Variants in PCDHGB7 observed in about 807,000 individuals in gnomAD.
PCDHGB7 encodes the protein protocadherin gamma-B7.
In PCDHGB7, 37 loss-of-function variants were observed where a neutral mutation model predicts 61.4. That is an observed-to-expected ratio of 0.60 (90% CI 0.46 to 0.79). The LOEUF is 0.79. Ranked by LOEUF, PCDHGB7 falls within the 30% of genes least tolerant of loss-of-function variation. PCDHGB7 has a pLI of 0.00. For missense variants in PCDHGB7, 1,166 were observed against 1,202.5 expected (o/e 0.97, Z 0.45); for synonymous variants, 464 against 503.5 (o/e 0.92, Z 1.05).
At chr5:141,494,736 T>C in intron 1 of PCDHGB7, 71 bp from the exon 2 acceptor site, 1 of 1,611,858 alleles carries the variant, frequency 6.2e-7, no homozygotes, top group Non-Finnish European at 8.5e-7. Context: ...TCCCGGCCCA[T>C]CCCTAGGGGC....
chr5:141,442,047 G>A (rs186626119), intron 1 of PCDHGB7: 64 of 202,912 alleles, frequency 3.2e-4, no homozygotes, highest in Admixed American at 9.3e-4. Context: ...GCGCCTACTG[G>A]TCGCGGTGCA....
rs141514361 is a variant in PCDHGB7, at chr5:141,494,629, A to G, written c.2416-178A>G. 4,666 of 858,664 alleles carry G rather than the reference A, an allele frequency of 5.4e-3. 23 individuals are homozygous for G. Among genetic ancestry groups the G allele is most frequent in the Admixed American group, 0.011 (170 of 16,094 alleles). 53.2% of individuals were successfully genotyped at this position (858,664 alleles called of 1,614,324 possible). On this transcript the variant is annotated intron_variant, in intron 1 of 3. Coordinates refer to ENST00000398594, the MANE Select transcript of PCDHGB7 (RefSeq NM_018927.4). ...TATCTCTTGGTTTCTGGTACCTCAGACCTCTGAGACCTGAGGTGTATTTTG... is the reference window on the plus strand; with the variant it reads ...TATCTCTTGGTTTCTGGTACCTCAGGCCTCTGAGACCTGAGGTGTATTTTG...
chr5:141,478,927 C>T (rs2154577116), intron 1 of PCDHGB7: 2 of 690,162 alleles, frequency 2.9e-6, no homozygotes, highest in East Asian at 6.0e-5. Flanking sequence ...TAACCAGTGG[C>T]AGCTTCTAGG....
At chr5:141,438,960 C>A (rs1398478011) in intron 1 of PCDHGB7, among the ~76,000 whole-genome samples, 1 of 151,940 alleles carries the variant, frequency 6.6e-6, no homozygotes, top group Non-Finnish European at 1.5e-5. Flanking sequence ...GCCACCGCAC[C>A]CTGCCAACTG....
Position 141,485,979 on chromosome 5 carries a change from C to T in PCDHGB7, c.2416-8828C>T. ...CTCATCCAGCTCAATGCCTCAGACC[C>T]GGACCTGGGTCCCAGTGGTAACGTC... is the stretch of plus-strand genomic sequence containing the variant. On this transcript the variant is annotated intron_variant, in intron 1 of 3. Coordinates refer to ENST00000398594, the MANE Select transcript of PCDHGB7 (RefSeq NM_018927.4). The surrounding 1 kb of genome is among the most constrained non-coding windows in gnomAD (Gnocchi z 5.7). The T allele has an allele frequency of 1.2e-6, 2 of 1,614,182 alleles. No individual in the cohort carries two copies. The highest frequency in any genetic ancestry group is 1.7e-6 in the Non-Finnish European group (2 of 1,180,022).
At chr5:141,497,733 T>G (rs2099779006) in intron 2 of PCDHGB7, among the ~76,000 whole-genome samples, 2 of 152,078 alleles carry the variant, frequency 1.3e-5, no homozygotes, top group Non-Finnish European at 2.9e-5. Context: ...AGAGATGGGT[T>G]TCGCCACGTT....
At chr5:141,509,805 G>A (rs150684746) in intron 3 of PCDHGB7, among the ~76,000 whole-genome samples, 2 of 152,248 alleles carry the variant, frequency 1.3e-5, no homozygotes, top group Middle Eastern at 3.4e-3. Flanking sequence ...GCTTCATAGA[G>A]CCGAGCTCTT....
chr5:141,432,416 C>T lies in PCDHGB7; in HGVS notation c.2415+12142C>T. 4 of 1,614,258 alleles carry T rather than the reference C, an allele frequency of 2.5e-6. No individual in the cohort carries two copies. Among genetic ancestry groups the T allele is most frequent in the Non-Finnish European group, 3.4e-6 (4 of 1,180,048 alleles). ...CAACGTGTCGTTGAGCCTGTTCGTG[C>T]TGGACCAGAACGACAATGCGCCCGA... On this transcript the variant is annotated intron_variant, in intron 1 of 3. Coordinates refer to ENST00000398594, the MANE Select transcript of PCDHGB7 (RefSeq NM_018927.4). The surrounding 1 kb of genome is among the most constrained non-coding windows in gnomAD (Gnocchi z 6.0).
chr5:141,422,478 G>C, intron 1 of PCDHGB7: 1 of 1,613,914 alleles, frequency 6.2e-7, no homozygotes, highest in Non-Finnish European at 8.5e-7. Flanking sequence ...AGTTGGTCCA[G>C]AGCTACAATA....
chr5:141,419,378 G>C lies in PCDHGB7; in HGVS notation c.1519G>C (p.Val507Leu), dbSNP rs777509820. 1.9e-6 allele frequency: 3 copies of C among 1,613,712 alleles called. No individual in the cohort carries two copies. Among genetic ancestry groups the C allele is most frequent in the Admixed American group, 3.3e-5 (2 of 60,032 alleles). ...ACGAACGCTGTCGTCCTACGTGTCC[G>C]TGAGCGCGCAGAGCGGGGTGGTGTT... The part of the protein sequence containing the change: ...ESRTLSSYVS[V>L]SAQSGVVFAQ... The change falls in exon 1 of 4, where the codon GTG becomes CTG. Residue 507 changes from valine (V) to leucine (L), a missense_variant. Physicochemically the swap from Val to Leu is conservative, Grantham distance 32. Transcript: ENST00000398594.
At chr5:141,464,056 G>C (rs2154568334) in intron 1 of PCDHGB7, among the ~76,000 whole-genome samples, 1 of 152,210 alleles carries the variant, frequency 6.6e-6, no homozygotes, top group East Asian at 1.9e-4. Context: ...CCTGAGGTCA[G>C]GAGTTCAAGG....
Position 141,490,271 on chromosome 5 carries a change from A to G in PCDHGB7, c.2416-4536A>G, listed in dbSNP as rs750463186. 6.8e-6 allele frequency: 11 copies of G among 1,614,246 alleles called. No homozygotes were observed. Among genetic ancestry groups the G allele is most frequent in the Non-Finnish European group, 8.5e-6 (10 of 1,180,054 alleles). On this transcript the variant is annotated intron_variant, in intron 1 of 3. Coordinates refer to ENST00000398594, the MANE Select transcript of PCDHGB7 (RefSeq NM_018927.4). The surrounding 1 kb of genome is among the most constrained non-coding windows in gnomAD (Gnocchi z 5.4). The stretch of plus-strand genomic sequence containing the variant: ...ATTCAAGTGGATGTGGGGGATGTCA[A>G]TGACAATGCCCCAGAGGTGCTATTG...
chr5:141,490,445 A>G lies in PCDHGB7; in HGVS notation c.2416-4362A>G, dbSNP rs2099700298. 6.2e-7 allele frequency: 1 copy of G among 1,614,022 alleles called. No individual in the cohort carries two copies. The highest frequency in any genetic ancestry group is 8.5e-7 in the Non-Finnish European group (1 of 1,180,030). ...CCATTTCAGATTAAGCCTTCTGAGA[A>G]CCACTACTCGCTGCTAACCAGCCAG... On this transcript the variant is annotated intron_variant, in intron 1 of 3. Coordinates refer to ENST00000398594, the MANE Select transcript of PCDHGB7 (RefSeq NM_018927.4). The surrounding 1 kb of genome is among the most constrained non-coding windows in gnomAD (Gnocchi z 5.4).
intron 1 of PCDHGB7, among the ~76,000 whole-genome samples, chr5:141,425,820 C>T (rs978139996): frequency 6.6e-6 from 1 of 152,156 alleles, no homozygotes; most frequent in Admixed American, 6.5e-5. Flanking sequence ...TAGAAAAAAA[C>T]AAACTTTTAA....
At chr5:141,438,957 C>T (rs1292059651) in intron 1 of PCDHGB7, among the ~76,000 whole-genome samples, 1 of 152,026 alleles carries the variant, frequency 6.6e-6, no homozygotes, top group Non-Finnish European at 1.5e-5. Context: ...TGAGCCACCG[C>T]ACCCTGCCAA....
chr5:141,471,444 A>T (rs1366430114), intron 1 of PCDHGB7: 1 of 152,150 alleles, frequency 6.6e-6, no homozygotes, highest in Non-Finnish European at 1.5e-5. Flanking sequence ...AATCTCATGT[A>T]CCTTTTGAAA....
intron 1 of PCDHGB7, among the ~76,000 whole-genome samples, chr5:141,468,130 G>C (rs1312004369): frequency 6.6e-6 from 1 of 151,878 alleles, no homozygotes; most frequent in Admixed American, 6.6e-5. Context: ...TTTGAGACCA[G>C]CCTGGCCAAC....
intron 1 of PCDHGB7, chr5:141,422,889 G>A (rs62378455): frequency 0.035 from 55,863 of 1,614,202 alleles, 1,109 homozygotes; most frequent in Middle Eastern, 0.098. Context: ...TGTTCGTGCT[G>A]GACCAGAACG....
In PCDHGB7 at chr5:141,476,962, C is replaced by A. The variant is rs2099402286; in HGVS notation, c.2416-17845C>A. On this transcript the variant is annotated intron_variant, in intron 1 of 3. Coordinates refer to ENST00000398594, the MANE Select transcript of PCDHGB7 (RefSeq NM_018927.4). This position sits in a 1 kb window ranked among gnomAD's most constrained non-coding sequence, Gnocchi z 7.6. ...GCCCCAACGGTGAAATTATTTACTCCTTCGGCAGCCACAACCGCGCCGGCG... is the reference window on the plus strand; with the variant it reads ...GCCCCAACGGTGAAATTATTTACTCATTCGGCAGCCACAACCGCGCCGGCG... 2 of 1,614,200 alleles carry A rather than the reference C, an allele frequency of 1.2e-6. No individual in the cohort carries two copies. The highest frequency in any genetic ancestry group is 1.7e-6 in the Non-Finnish European group (2 of 1,180,042).
Sources: gnomAD v4.1 joint callset for allele counts (sites outside exome capture counted in the v4.1 genomes callset) on GRCh38, gnomAD v4.1.1 for gene constraint, Gnocchi (gnomAD v3.1) non-coding constraint, MANE v1.5 for transcripts, NCBI Gene and HGNC (gene_info 2026-07-23, HGNC 2026-07-21) for gene names.